USP53: variants seen among roughly 807,000 people sequenced by gnomAD.
USP53 encodes ubiquitin carboxyl-terminal hydrolase 53.
A neutral mutation model predicts 94.9 loss-of-function variants in USP53; 71 were observed. That is an observed-to-expected ratio of 0.75 (90% confidence interval 0.62 to 0.91). The LOEUF is 0.91. Among genes scored for constraint, USP53 ranks in the 40% least tolerant of loss-of-function variants. The pLI is 0.00. For missense variants in USP53, 1,173 were observed against 1,281.0 expected (o/e 0.92, Z 1.29); for synonymous variants, 375 against 422.7 (o/e 0.89, Z 1.39).
Position 119,291,145 on chromosome 4 carries a change from C to A in USP53, c.2252-20C>A. ...AATTTTGTTTTCCTCATCTCTTCTC[C>A]CCACCCCACCCAACCCTAGGCTTTA... On this transcript the variant is annotated intron_variant, in intron 17 of 18. Transcript: ENST00000692078. The A allele has an allele frequency of 1.4e-6, 1 of 726,322 alleles. No individual in the cohort carries two copies. The highest frequency in any genetic ancestry group is 2.1e-5 in the South Asian group (1 of 47,360). The allele number at this position is 726,322 out of a possible 1,614,324, so 45.0% of individuals were successfully genotyped here. A position where few individuals can be genotyped will look rare whatever the true frequency, so the allele number is the denominator to read the frequency against.
intron 9 of USP53, 47 bp downstream of exon 9, chr4:119,256,570 T>G: frequency 1.9e-6 from 3 of 1,570,944 alleles, no homozygotes; most frequent in Non-Finnish European, 2.6e-6. Flanking sequence ...AATAACATAT[T>G]TAAGCACATT....
chr4:119,278,156 G>T lies in USP53; in HGVS notation c.2251+4448G>T, dbSNP rs1186126039. On this transcript the variant is annotated intron_variant, in intron 17 of 18. Transcript: ENST00000692078. Reference sequence around the variant, plus strand: ...GATCCTGTCATTATGATGTTAGCTGGTGATTTTGCTCGTTAGTTGATGCAG... The same window carrying T: ...GATCCTGTCATTATGATGTTAGCTGTTGATTTTGCTCGTTAGTTGATGCAG... Among the ~76,000 whole-genome samples the T allele has an allele frequency of 5.8e-3, 857 of 147,854 alleles. 11 individuals are homozygous for T. The highest frequency in any genetic ancestry group is 0.02 in the African/African-American group (814 of 40,068).
Position 119,261,748 on chromosome 4 carries a change from A to G in USP53, c.856A>G (p.Asn286Asp). 2 of 1,565,116 alleles carry G rather than the reference A, an allele frequency of 1.3e-6. No individual in the cohort carries two copies. ...TAGAGTTACTGATGAAAATGCCAAA[A>G]ATAGTGAACTTAACCTTGTTGGTAT... is the stretch of plus-strand genomic sequence containing the variant. ...FYRVTDENAK[N>D]SELNLVGMIC... The change falls in exon 12 of 19, where the codon AAT becomes GAT. Residue 286 changes from asparagine (N) to aspartate (D), a missense_variant. Physicochemically the swap from Asn to Asp is conservative, Grantham distance 23. Coordinates refer to ENST00000692078, the MANE Select transcript of USP53 (RefSeq NM_001371395.1).
chr4:119,265,143 C>G lies in USP53; in HGVS notation c.973-2177C>G, dbSNP rs1470351094. Among the ~76,000 whole-genome samples the G allele has an allele frequency of 4.6e-5, 7 of 152,098 alleles. No homozygotes were observed. The East Asian group carries it at 1.4e-3, about 29-fold the overall frequency. On this transcript the variant is annotated intron_variant, in intron 12 of 18. Coordinates refer to ENST00000692078, the MANE Select transcript of USP53 (RefSeq NM_001371395.1). ...TTTCCAGGGACTGCAAAATGGGGTA[C>G]AAGGTAAGATTTTGGGGTGAGGATT...
Position 119,293,034 on chromosome 4 carries a change from T to G in USP53, c.3045T>G (p.Asp1015Glu), listed in dbSNP as rs1215277204. ...NDFQANSGAI[D>E]AFCQPELDSI... is the part of the protein sequence containing the mutation. Reference sequence around the variant, plus strand: ...TTCAGGCAAACTCAGGTGCCATTGATGCATTTTGCCAACCAGAACTAGACT... The same window carrying G: ...TTCAGGCAAACTCAGGTGCCATTGAGGCATTTTGCCAACCAGAACTAGACT... The change falls in exon 19 of 19, where the codon GAT becomes GAG. Residue 1015 changes from aspartate to glutamate, a missense_variant. Coordinates refer to ENST00000692078, the MANE Select transcript of USP53 (RefSeq NM_001371395.1). 3 of 1,614,154 alleles carry G rather than the reference T, an allele frequency of 1.9e-6. No homozygotes were observed. The highest frequency in any genetic ancestry group is 2.5e-6 in the Non-Finnish European group (3 of 1,179,974).
chr4:119,279,869 T>C (rs1753270190), intron 17 of USP53, among the ~76,000 whole-genome samples: 1 of 152,184 alleles, frequency 6.6e-6, no homozygotes, highest in African/African-American at 2.4e-5. Flanking sequence ...ATTTTCCAGG[T>C]GCGTCCGTCA....
At chr4:119,282,939 C>G (rs1171510020) in intron 17 of USP53, among the ~76,000 whole-genome samples, 1 of 151,916 alleles carries the variant, frequency 6.6e-6, no homozygotes, top group Non-Finnish European at 1.5e-5. Context: ...TTCATATTTT[C>G]TTGACATTTT....
intron 7 of USP53, among the ~76,000 whole-genome samples, chr4:119,255,697 G>T (rs1165872369): frequency 6.6e-6 from 1 of 152,134 alleles, no homozygotes; most frequent in Non-Finnish European, 1.5e-5. Context: ...CTGACCCCTT[G>T]TGCTTCCTGG....
intron 4 of USP53, among the ~76,000 whole-genome samples, chr4:119,238,112 T>C (rs1287426973): frequency 6.6e-6 from 1 of 152,232 alleles, no homozygotes; most frequent in Non-Finnish European, 1.5e-5. Flanking sequence ...GTAACACTTT[T>C]AATTTCCTTC....
At chr4:119,261,592 A>G (rs1388173725) in intron 11 of USP53, 123 bp from the exon 12 acceptor site, 25 of 652,320 alleles carry the variant, frequency 3.8e-5, no homozygotes, top group Non-Finnish European at 9.4e-6. Context: ...ATAATATAAT[A>G]TTAGATTGGG....
At position 119,275,253 on chromosome 4, in the gene USP53, C is replaced by G. The variant is rs1752463297; in HGVS notation, c.2251+1545C>G. ...TAGGTCTAACGTTTAAATCTTTAAT[C>G]CATCTTGAATTGATTTTTGTATAAG... is the stretch of plus-strand genomic sequence containing the variant. On this transcript the variant is annotated intron_variant, in intron 17 of 18. Transcript: ENST00000692078. Among the ~76,000 whole-genome samples, 3 of 89,518 alleles carry G rather than the reference C, an allele frequency of 3.4e-5. No individual in the cohort carries two copies. In the South Asian group the frequency reaches 1.0e-3, roughly 30 times the overall value. 58.7% of individuals were successfully genotyped at this position (89,518 alleles called of 152,430 possible). A position where few individuals can be genotyped will look rare whatever the true frequency, so the allele number is the denominator to read the frequency against.
chr4:119,273,115 C>T (rs1752079803), intron 16 of USP53: 1 of 152,554 alleles, frequency 6.6e-6, no homozygotes, highest in African/African-American at 2.4e-5. Context: ...TCAATACTAG[C>T]CTGAGCAACA....
chr4:119,267,893 C>T (rs566354521), intron 13 of USP53, among the ~76,000 whole-genome samples: 163 of 152,270 alleles, frequency 1.1e-3, no homozygotes, highest in African/African-American at 3.8e-3. Flanking sequence ...CTGGGCCGGG[C>T]GCGGTGGCTC....
intron 17 of USP53, 59 bp downstream of exon 17, chr4:119,273,767 G>A: frequency 2.9e-6 from 4 of 1,399,990 alleles, no homozygotes; most frequent in Non-Finnish European, 4.0e-6. Flanking sequence ...GTAATTTATT[G>A]TTTGCTATTA....
chr4:119,265,513 A>G (rs940534308), intron 12 of USP53, among the ~76,000 whole-genome samples: 3 of 152,176 alleles, frequency 2.0e-5, no homozygotes, highest in Non-Finnish European at 2.9e-5. Flanking sequence ...TCTACTAAAA[A>G]TACCAAAATT....
rs1312414514 is a variant in USP53 at position 119,288,914 on chromosome 4, G to A, written c.2252-2251G>A. ...GATCGTGCCATTGCACTACAGCCTG[G>A]GCAACAAGAGCGAAACTCTGTCTCA... On this transcript the variant is annotated intron_variant, in intron 17 of 18. Transcript: ENST00000692078. Among the ~76,000 whole-genome samples the A allele has an allele frequency of 3.4e-5, 5 of 146,906 alleles. No homozygotes were observed. The East Asian group carries it at 9.9e-4, about 29-fold the overall frequency.
chr4:119,223,810 A>G (rs1178596860), intron 3 of USP53, among the ~76,000 whole-genome samples: 3 of 152,208 alleles, frequency 2.0e-5, no homozygotes, highest in Admixed American at 6.5e-5. Context: ...CGAGTCCATT[A>G]CTAAACTTCT....
At chr4:119,279,455 G>A (rs1332029475) in intron 17 of USP53, among the ~76,000 whole-genome samples, 2 of 149,138 alleles carry the variant, frequency 1.3e-5, no homozygotes, top group Admixed American at 6.7e-5. Flanking sequence ...GCAGTCTGCC[G>A]GTTCTCAGAT....
chr4:119,252,548 T>A (rs559151468), intron 7 of USP53, among the ~76,000 whole-genome samples: 2 of 152,330 alleles, frequency 1.3e-5, no homozygotes, highest in Non-Finnish European at 2.9e-5. Flanking sequence ...TCTGTGATGG[T>A]AGTTTATATT....
Sources: allele counts gnomAD v4.1 joint callset (sites outside exome capture counted in the v4.1 genomes callset), GRCh38; gene constraint gnomAD v4.1.1; transcripts MANE v1.5; gene names NCBI Gene and HGNC (gene_info 2026-07-23, HGNC 2026-07-21).